Variants in GALNT8 observed in about 807,000 individuals in gnomAD.
GALNT8 encodes probable polypeptide N-acetylgalactosaminyltransferase 8.
A neutral mutation model predicts 62.7 loss-of-function variants in GALNT8; 66 were observed. The observed-to-expected ratio is 1.05, with a 90% CI of 0.86 to 1.29. The LOEUF is 1.29. Among genes scored for constraint, GALNT8 ranks in the 50% most tolerant of loss-of-function variants. The probability of loss-of-function intolerance (pLI) is 0.00; values close to 1 mark genes in which losing one functional copy is unlikely to be tolerated. For missense variants in GALNT8, 771 were observed against 791.8 expected (o/e 0.97, Z 0.32); for synonymous variants, 288 against 294.3 (o/e 0.98, Z 0.22).
At chr12:4,760,777 G>A (rs1946367782) in intron 6 of GALNT8, among the ~76,000 whole-genome samples, 181 bp from the exon 7 acceptor site, 2 of 152,170 alleles carry the variant, frequency 1.3e-5, no homozygotes, top group African/African-American at 4.8e-5. Context: ...AAGCAGTTCA[G>A]TAGACTTCTA....
rs1439964221 is a variant in GALNT8 at position 4,720,457 on chromosome 12, G to A, written c.-221G>A. On this transcript the variant is annotated 5_prime_UTR_variant, in exon 1 of 11. Transcript: ENST00000252318. ...TGAGCAACCTGTGGAAAGCCGCTGAGCGGTTATCCTCTCGGGGCATAAAGA... is the reference window on the plus strand; with the variant it reads ...TGAGCAACCTGTGGAAAGCCGCTGAACGGTTATCCTCTCGGGGCATAAAGA... 1.8e-6 allele frequency: 1 copy of A among 558,094 alleles called. No homozygotes were observed. The highest frequency in any genetic ancestry group is 1.9e-5 in the African/African-American group (1 of 52,982). 34.6% of individuals were successfully genotyped at this position (558,094 alleles called of 1,614,324 possible).
chr12:4,763,321 T>A lies in GALNT8; in HGVS notation c.1428T>A (p.Thr476=), dbSNP rs998454044. 1.9e-6 allele frequency: 3 copies of A among 1,611,476 alleles called. No homozygotes were observed. Among genetic ancestry groups the A allele is most frequent in the African/African-American group, 2.7e-5 (2 of 74,874 alleles). The change falls in exon 8 of 11, where the codon ACT becomes ACA. Residue 476 remains threonine, a synonymous_variant. Transcript: ENST00000252318. ...MALREKLKCK[T]FDWYLKNVYP... is the part of the protein sequence containing the mutation. ...TCCGGGAAAAACTGAAATGTAAAAC[T>A]TTTGACTGGTACCTGAAAAATGTTT...
In GALNT8 at chr12:4,734,615, C is replaced by T. The variant is rs1043966559; in HGVS notation, c.510-4548C>T. Among the ~76,000 whole-genome samples, 19 of 151,462 alleles carry T rather than the reference C, an allele frequency of 1.3e-4. No homozygotes were observed. The South Asian group carries it at 1.7e-3, about 13-fold the overall frequency. On this transcript the variant is annotated intron_variant, in intron 2 of 10. Transcript: ENST00000252318. Reference sequence around the variant, plus strand: ...TCACACCCTCCCACCTGTATTATGGCGTCCACATGTGGCTGATTACCTTCT... The same window carrying T: ...TCACACCCTCCCACCTGTATTATGGTGTCCACATGTGGCTGATTACCTTCT...
chr12:4,758,633 TGTGTGAGAGAGAGAGAGAGA>T (rs1414703536), intron 6 of GALNT8, among the ~76,000 whole-genome samples: 10 of 79,908 alleles, frequency 1.3e-4, no homozygotes, highest in Admixed American at 1.1e-3. Flanking sequence ...TGTGTGTGTG[TGTGTGAGAGAGAGAGAGAGA>T]GAGAGAGAGA....
At chr12:4,748,805 T>C (rs1016507320) in intron 6 of GALNT8, among the ~76,000 whole-genome samples, 2 of 152,148 alleles carry the variant, frequency 1.3e-5, no homozygotes, top group African/African-American at 4.8e-5. Context: ...TTGCTTTGGG[T>C]AGTATGGACA....
chr12:4,762,904 A>G (rs1370097139), intron 7 of GALNT8, among the ~76,000 whole-genome samples: 3 of 152,260 alleles, frequency 2.0e-5, no homozygotes, highest in Non-Finnish European at 4.4e-5. Flanking sequence ...GTGGTGGAAG[A>G]AGATTTATAG....
intron 2 of GALNT8, among the ~76,000 whole-genome samples, chr12:4,733,457 G>A (rs1005767614): frequency 6.6e-6 from 1 of 152,146 alleles, no homozygotes; most frequent in Non-Finnish European, 1.5e-5. Context: ...ATATAGCCAA[G>A]AATATGCAAA....
At chr12:4,759,859 A>G (rs1478165482) in intron 6 of GALNT8, among the ~76,000 whole-genome samples, 1 of 152,146 alleles carries the variant, frequency 6.6e-6, no homozygotes, top group Non-Finnish European at 1.5e-5. Context: ...TCGATCCAAT[A>G]TGATTAAATA....
At chr12:4,721,961 G>A (rs963898315) in intron 1 of GALNT8, among the ~76,000 whole-genome samples, 9 of 152,036 alleles carry the variant, frequency 5.9e-5, no homozygotes, top group Non-Finnish European at 1.2e-4. Flanking sequence ...GACTCTTAAC[G>A]AGCATGCTGC....
At chr12:4,766,827 T>G (rs755382253) in intron 10 of GALNT8, among the ~76,000 whole-genome samples, 17 of 152,032 alleles carry the variant, frequency 1.1e-4, no homozygotes, top group Non-Finnish European at 1.9e-4. Flanking sequence ...TTTTCAAAGT[T>G]AATGACCCCT....
chr12:4,741,217 A>G (rs993819152), intron 3 of GALNT8, among the ~76,000 whole-genome samples: 6 of 152,142 alleles, frequency 3.9e-5, no homozygotes, highest in African/African-American at 1.4e-4. Context: ...AGACTTCCAC[A>G]CTAAAAATAC....
chr12:4,726,561 C>G lies in GALNT8; in HGVS notation c.241C>G (p.Gln81Glu). The change falls in exon 2 of 11, where the codon CAA becomes GAA. Residue 81 changes from glutamine to glutamate, a missense_variant. Gln to Glu is a conservative substitution (Grantham distance 29). Transcript: ENST00000252318. This position sits in a 1 kb window ranked among gnomAD's most constrained non-coding sequence, Gnocchi z 4.1. Reference protein sequence around the residue: ...KESMKLALRQQENVNSTLKRA... With the variant: ...KESMKLALRQEENVNSTLKRA... The stretch of plus-strand genomic sequence containing the variant: ...AAGTATGAAATTAGCTCTGAGGCAA[C>G]AAGAAAATGTGAACAGCACACTGAA... The G allele has an allele frequency of 1.9e-6, 3 of 1,612,970 alleles. No homozygotes were observed. Among genetic ancestry groups the G allele is most frequent in the Non-Finnish European group, 2.5e-6 (3 of 1,179,312 alleles).
chr12:4,765,545 C>T lies in GALNT8; in HGVS notation c.1760C>T (p.Pro587Leu), dbSNP rs147793802. 9 of 1,598,036 alleles carry T rather than the reference C, an allele frequency of 5.6e-6. No homozygotes were observed. The East Asian group carries it at 1.1e-4, about 20-fold the overall frequency. Reference sequence around the variant, plus strand: ...CTGCATATATATTGGGATTTTAAACCGGTGAGTTATGTGTTTTTGTTTGTT... The same window carrying T: ...CTGCATATATATTGGGATTTTAAACTGGTGAGTTATGTGTTTTTGTTTGTT... The part of the protein sequence containing the change: ...NRLHIYWDFK[P>L]GGAVINRDTK... Residue 587 changes from proline (P) to leucine (L), a missense_variant and splice_region_variant, in exon 10 of 11, where the codon CCG (proline) becomes CTG (leucine). By Grantham distance (98) the Pro-to-Leu change is moderately conservative (BLOSUM62 -3). Transcript: ENST00000252318.
At chr12:4,741,822 G>A (rs1007038015) in intron 3 of GALNT8, among the ~76,000 whole-genome samples, 1 of 152,170 alleles carries the variant, frequency 6.6e-6, no homozygotes, top group Admixed American at 6.5e-5. Context: ...GAGATGATTT[G>A]TTTGGATGGT....
In GALNT8 at chr12:4,745,651, C is replaced by T. The variant is rs1452090607; in HGVS notation, c.1058+25C>T. The T allele has an allele frequency of 3.9e-6, 6 of 1,545,170 alleles. No homozygotes were observed. The African/African-American group carries it at 6.8e-5, about 18-fold the overall frequency. ...AGTAAGTCTGAGGAGATTCAGGGAA[C>T]TTGAGTAGCATGTGGGAAGGCAGGA... On this transcript the variant is annotated intron_variant, in intron 5 of 10. Transcript: ENST00000252318.
chr12:4,753,023 T>C (rs980453220), intron 6 of GALNT8, among the ~76,000 whole-genome samples: 2 of 152,236 alleles, frequency 1.3e-5, no homozygotes, highest in Admixed American at 1.3e-4. Flanking sequence ...AAGGTTTCCA[T>C]GGAAAAGTCT....
chr12:4,769,068 T>A (rs558323856), intron 10 of GALNT8, among the ~76,000 whole-genome samples: 31 of 152,262 alleles, frequency 2.0e-4, no homozygotes, highest in South Asian at 4.1e-4. Flanking sequence ...ACATGGACTT[T>A]AAGTTGAGGA....
intron 7 of GALNT8, 139 bp from the exon 8 acceptor site, chr12:4,763,114 C>T (rs1591574483): frequency 1.5e-6 from 1 of 670,586 alleles, no homozygotes; most frequent in South Asian, 1.9e-5. Flanking sequence ...TCAATCTTGT[C>T]TATCCATTAA....
intron 6 of GALNT8, among the ~76,000 whole-genome samples, chr12:4,750,933 T>C (rs1246218738): frequency 2.0e-5 from 3 of 152,088 alleles, no homozygotes; most frequent in African/African-American, 7.2e-5. Context: ...AACGGACACA[T>C]AGACCAATGG....
Sources: gnomAD v4.1 joint callset for allele counts (sites outside exome capture counted in the v4.1 genomes callset) on GRCh38, gnomAD v4.1.1 for gene constraint, Gnocchi (gnomAD v3.1) non-coding constraint, MANE v1.5 for transcripts, NCBI Gene and HGNC (gene_info 2026-07-23, HGNC 2026-07-21) for gene names.